The following COL22A1 variants were observed in gnomAD, a reference collection of about 807,000 sequenced individuals.
The protein encoded by COL22A1 is collagen alpha-1(XXII) chain.
A neutral mutation model predicts 248.9 loss-of-function variants in COL22A1; 221 were observed. The ratio of observed to expected loss-of-function variants is 0.89; its 90% CI spans 0.80 to 0.99. The LOEUF is 0.99. Ranked by LOEUF, COL22A1 falls within the 50% of genes least tolerant of loss-of-function variation. The probability of loss-of-function intolerance (pLI) is 0.00; values close to 1 mark genes in which losing one functional copy is unlikely to be tolerated. For missense variants in COL22A1, 2,240 were observed against 2,179.0 expected (o/e 1.03, Z -0.56); for synonymous variants, 891 against 793.4 (o/e 1.12, Z -2.07).
chr8:138,664,207 G>GCACACACA (rs1389915577), intron 41 of COL22A1, among the ~76,000 whole-genome samples: 2 of 87,604 alleles, frequency 2.3e-5, no homozygotes, highest in African/African-American at 7.5e-5. Context: ...GCGCGCGCGC[G>GCACACACA]CGCACACACA....
intron 53 of COL22A1, among the ~76,000 whole-genome samples, chr8:138,619,116 GA>G (rs936893045): frequency 4.0e-5 from 6 of 151,408 alleles, no homozygotes; most frequent in East Asian, 1.9e-4. Flanking sequence ...TTATAGTTGG[GA>G]AAAAAAACCT....
chr8:138,774,661 C>T (rs1814247709), intron 16 of COL22A1, among the ~76,000 whole-genome samples: 1 of 152,146 alleles, frequency 6.6e-6, no homozygotes, highest in South Asian at 2.1e-4. Context: ...CCTCGTGATC[C>T]ACCTGCCTCG....
At chr8:138,866,846 T>C (rs1029649674) in intron 3 of COL22A1, among the ~76,000 whole-genome samples, 2 of 152,174 alleles carry the variant, frequency 1.3e-5, no homozygotes, top group African/African-American at 4.8e-5. Context: ...TTTCATTAGA[T>C]GTCACACAGA....
chr8:138,865,591 A>ATG (rs904323367), intron 3 of COL22A1, among the ~76,000 whole-genome samples: 1 of 129,802 alleles, frequency 7.7e-6, no homozygotes, highest in African/African-American at 3.0e-5. Context: ...GTGTGAGTGT[A>ATG]TGTGTGTGTA....
chr8:138,845,793 A>G (rs189706208), intron 3 of COL22A1, among the ~76,000 whole-genome samples: 1 of 152,144 alleles, frequency 6.6e-6, no homozygotes, highest in African/African-American at 2.4e-5. Context: ...ACAGCACTGA[A>G]AGGCTGTAAG....
At chr8:138,786,309 T>A (rs1815509638) in intron 12 of COL22A1, among the ~76,000 whole-genome samples, 1 of 152,114 alleles carries the variant, frequency 6.6e-6, no homozygotes. Flanking sequence ...TCAGAGACGG[T>A]AACATCTCTT....
At chr8:138,839,499 C>A (rs1350449672) in intron 4 of COL22A1, among the ~76,000 whole-genome samples, 2 of 152,082 alleles carry the variant, frequency 1.3e-5, no homozygotes, top group Non-Finnish European at 2.9e-5. Context: ...GCAAGACCAG[C>A]CAGGAGTAGG....
chr8:138,619,818 T>C (rs1819625691), intron 52 of COL22A1, among the ~76,000 whole-genome samples: 1 of 152,210 alleles, frequency 6.6e-6, no homozygotes, highest in African/African-American at 2.4e-5. Context: ...ATGGCCATCT[T>C]AGTTACAGAC....
At chr8:138,623,675 T>C in intron 52 of COL22A1, 57 bp downstream of exon 52, 2 of 1,452,898 alleles carry the variant, frequency 1.4e-6, no homozygotes, top group South Asian at 1.2e-5. Flanking sequence ...AAAGTAGTTG[T>C]TTTTGACATG....
chr8:138,607,719 C>T (rs756673322), intron 57 of COL22A1, among the ~76,000 whole-genome samples: 10 of 152,150 alleles, frequency 6.6e-5, no homozygotes, highest in South Asian at 4.1e-4. Context: ...TAGATGCCTA[C>T]GGTTATAGTC....
At chr8:138,775,580 G>A (rs572269327) in intron 16 of COL22A1, among the ~76,000 whole-genome samples, 1 of 152,280 alleles carries the variant, frequency 6.6e-6, no homozygotes, top group South Asian at 2.1e-4. Context: ...GGGTAACTGA[G>A]GACCAGAGAA....
At chr8:138,793,425 GA>G (rs1450840915) in intron 12 of COL22A1, among the ~76,000 whole-genome samples, 2 of 152,206 alleles carry the variant, frequency 1.3e-5, no homozygotes, top group African/African-American at 4.8e-5. Context: ...GCTGCCTGAA[GA>G]GGACTTTATG....
chr8:138,828,270 A>G (rs1313838959), intron 5 of COL22A1, among the ~76,000 whole-genome samples: 1 of 152,002 alleles, frequency 6.6e-6, no homozygotes, highest in Non-Finnish European at 1.5e-5. Flanking sequence ...TAGACAACAC[A>G]TATGTGGGAG....
Position 138,716,308 on chromosome 8 carries a change from C to T in COL22A1, c.2401-19G>A. On this transcript the variant is annotated intron_variant, in intron 28 of 64. Coordinates refer to ENST00000303045, the MANE Select transcript of COL22A1 (RefSeq NM_152888.3). Reference sequence around the variant, plus strand: ...CTTCTCCCTGTGAGAACAAAATATTCACAAGGCGTCAACAGGAAGGCTCTC... The same window carrying T: ...CTTCTCCCTGTGAGAACAAAATATTTACAAGGCGTCAACAGGAAGGCTCTC... The T allele has an allele frequency of 6.4e-7, 1 of 1,562,152 alleles. No homozygotes were observed. Among genetic ancestry groups the T allele is most frequent in the Non-Finnish European group, 8.7e-7 (1 of 1,150,072 alleles).
At chr8:138,904,347 C>T (rs540012376) in intron 1 of COL22A1, among the ~76,000 whole-genome samples, 86 of 152,172 alleles carry the variant, frequency 5.7e-4, no homozygotes, top group African/African-American at 2.0e-3. Flanking sequence ...CCCACACACA[C>T]ACCCTTACCA....
intron 1 of COL22A1, among the ~76,000 whole-genome samples, chr8:138,900,522 C>T (rs1275279707): frequency 1.3e-5 from 2 of 152,208 alleles, no homozygotes; most frequent in African/African-American, 4.8e-5. Flanking sequence ...GTTTTTATCA[C>T]TTCCTTAAGA....
chr8:138,857,880 C>T (rs73720632), intron 3 of COL22A1, among the ~76,000 whole-genome samples: 1 of 152,196 alleles, frequency 6.6e-6, no homozygotes, highest in Non-Finnish European at 1.5e-5. Flanking sequence ...TGGCCCAGTG[C>T]CTCCTTCCCA....
At chr8:138,660,752 T>G (rs910836270) in intron 43 of COL22A1, among the ~76,000 whole-genome samples, 1 of 151,494 alleles carries the variant, frequency 6.6e-6, no homozygotes, top group Non-Finnish European at 1.5e-5. Context: ...AAACAACTCA[T>G]GCACACAGAA....
chr8:138,708,325 C>T (rs1828657525), intron 30 of COL22A1, among the ~76,000 whole-genome samples: 2 of 152,186 alleles, frequency 1.3e-5, no homozygotes, highest in Admixed American at 1.3e-4. Context: ...GCCCACTTTG[C>T]CAAGACAATC....
Sources: gnomAD v4.1 joint callset for allele counts (sites outside exome capture counted in the v4.1 genomes callset) on GRCh38, gnomAD v4.1.1 for gene constraint, MANE v1.5 for transcripts, NCBI Gene and HGNC (gene_info 2026-07-23, HGNC 2026-07-21) for gene names.